The following KCNA1 variants were observed in gnomAD, a reference collection of about 807,000 sequenced individuals.
KCNA1 encodes potassium voltage-gated channel subfamily A member 1.
Under a neutral mutation model 28.8 loss-of-function variants are expected in KCNA1, and 19 were observed. The observed-to-expected ratio is 0.66, with a 90% CI of 0.46 to 0.97. The LOEUF (loss-of-function observed/expected upper bound fraction) is 0.97. KCNA1 is among the 50% of genes least tolerant of loss of function. The pLI is 0.00. For missense variants in KCNA1, 419 were observed against 659.7 expected (o/e 0.64, Z 4.00); for synonymous variants, 311 against 268.8 (o/e 1.16, Z -1.53).
In KCNA1 at chr12:4,911,692, C is replaced by T; in HGVS notation, c.314C>T (p.Pro105Leu). The change falls in exon 2 of 2, where the codon CCG becomes CTG. Residue 105 changes from proline to leucine, a missense_variant. Coordinates refer to ENST00000382545, the MANE Select transcript of KCNA1 (RefSeq NM_000217.3). This position sits in a 1 kb window ranked among gnomAD's most constrained non-coding sequence, Gnocchi z 6.6. Reference sequence around the variant, plus strand: ...CAGTCCGGCGGCCGCCTGCGGAGGCCGGTCAACGTGCCCCTGGACATGTTC... The same window carrying T: ...CAGTCCGGCGGCCGCCTGCGGAGGCTGGTCAACGTGCCCCTGGACATGTTC... ...YYQSGGRLRR[P>L]VNVPLDMFSE... 6.2e-7 allele frequency: 1 copy of T among 1,614,174 alleles called. No homozygotes were observed.
rs1947355084 is a variant in KCNA1 at position 4,912,006 on chromosome 12, G to A, written c.628G>A (p.Val210Ile). ...CGTCCACCGCATCGACAACACCACG[G>A]TCATCTACAATTCCAACATCTTCAC... ...GTVHRIDNTT[V>I]IYNSNIFTDP... The change falls in exon 2 of 2, where the codon GTC (valine) becomes ATC (isoleucine). Residue 210 changes from valine (V) to isoleucine (I), a missense_variant. Around this residue, in one of 4 missense-constraint regions of KCNA1, gnomAD observed 217 missense variants for 329.6 expected, o/e 0.66. Transcript: ENST00000382545. The A allele has an allele frequency of 6.2e-7, 1 of 1,614,132 alleles. No homozygotes were observed. The highest frequency in any genetic ancestry group is 8.5e-7 in the Non-Finnish European group (1 of 1,180,034).
rs1373034087 is a variant in KCNA1, at chr12:4,916,142, A to G, written c.*3276A>G. On this transcript the variant is annotated 3_prime_UTR_variant, in exon 2 of 2. Coordinates refer to ENST00000382545, the MANE Select transcript of KCNA1 (RefSeq NM_000217.3). ...GTAGACCTGAAGGTGCACTTAACAA[A>G]ACTGCCTATTAAGGGATGACTATTT... is the stretch of plus-strand genomic sequence containing the variant. 3 of 167,122 alleles carry G rather than the reference A, an allele frequency of 1.8e-5. No homozygotes were observed. The highest frequency in any genetic ancestry group is 7.2e-5 in the African/African-American group (3 of 41,466). 10.4% of individuals were successfully genotyped at this position (167,122 alleles called of 1,614,324 possible). A position where few individuals can be genotyped will look rare whatever the true frequency, so the allele number is the denominator to read the frequency against.
In KCNA1 at chr12:4,916,806, A is replaced by AT. The variant is rs764194860; in HGVS notation, c.*3947dup. 24 of 166,990 alleles carry AT rather than the reference A, an allele frequency of 1.4e-4. No homozygotes were observed. The highest frequency in any genetic ancestry group is 3.9e-4 in the Admixed American group (6 of 15,278). 10.3% of individuals were successfully genotyped at this position (166,990 alleles called of 1,614,324 possible). A position where few individuals can be genotyped will look rare whatever the true frequency, so the allele number is the denominator to read the frequency against. ...CATGTAAATGGTAAATGAGGAATAC[A>AT]TTTTTTTAAAGTAGAAATTTGGTTT... On this transcript the variant is annotated 3_prime_UTR_variant, in exon 2 of 2. Coordinates refer to ENST00000382545, the MANE Select transcript of KCNA1 (RefSeq NM_000217.3).
In KCNA1 at chr12:4,912,434, T is replaced by C; in HGVS notation, c.1056T>C (p.Ala352=). Residue 352 remains alanine (A), a synonymous_variant, in exon 2 of 2, where the codon GCT becomes GCC. Transcript: ENST00000382545. ...TGTACTTTGCCGAGGCGGAAGAAGC[T>C]GAGTCGCACTTCTCCAGTATCCCCG... is the stretch of plus-strand genomic sequence containing the variant. ...SAVYFAEAEE[A]ESHFSSIPDA... 1.2e-6 allele frequency: 2 copies of C among 1,613,938 alleles called. No homozygotes were observed. The highest frequency in any genetic ancestry group is 4.5e-5 in the East Asian group (2 of 44,840).
In KCNA1 at chr12:4,917,706, T is replaced by G. The variant is rs910817290; in HGVS notation, c.*4840T>G. The G allele has an allele frequency of 4.2e-5, 7 of 167,006 alleles. No homozygotes were observed. Among genetic ancestry groups the G allele is most frequent in the Non-Finnish European group, 1.0e-4 (7 of 68,118 alleles). The allele number at this position is 167,006 out of a possible 1,614,324, so 10.3% of individuals were successfully genotyped here. A position where few individuals can be genotyped will look rare whatever the true frequency, so the allele number is the denominator to read the frequency against. Reference sequence around the variant, plus strand: ...AACTTCAAAGAGTATAGAAAACTTTTGTACCACAATCAAAGAAGAAGAAAT... The same window carrying G: ...AACTTCAAAGAGTATAGAAAACTTTGGTACCACAATCAAAGAAGAAGAAAT... On this transcript the variant is annotated 3_prime_UTR_variant, in exon 2 of 2. Transcript: ENST00000382545.
At position 4,910,325 on chromosome 12, in the gene KCNA1, C is replaced by G. The variant is rs1005432379; in HGVS notation, c.-687C>G. On this transcript the variant is annotated 5_prime_UTR_variant, in exon 1 of 2. Transcript: ENST00000382545. The surrounding 1 kb of genome is among the most constrained non-coding windows in gnomAD (Gnocchi z 4.9). ...TGAGAGGGGCGTCGGACGAGTGGAC[C>G]AGGGCGGCGAGTTTGCCCGGCGCGT... The G allele has an allele frequency of 3.3e-5, 5 of 152,272 alleles. No individual in the cohort carries two copies. The highest frequency in any genetic ancestry group is 1.2e-4 in the African/African-American group (5 of 41,440). The allele number at this position is 152,272 out of a possible 1,614,324, so 9.4% of individuals were successfully genotyped here.
At position 4,911,184 on chromosome 12, in the gene KCNA1, AG is replaced by A; in HGVS notation, c.-192del. ...GGGGATTCCAAACTGAGTGAAAGGC[AG>A]GGTGGAGGGGAAGGCAGCGAGAGGC... On this transcript the variant is annotated 5_prime_UTR_variant, in exon 2 of 2. Coordinates refer to ENST00000382545, the MANE Select transcript of KCNA1 (RefSeq NM_000217.3). This position sits in a 1 kb window ranked among gnomAD's most constrained non-coding sequence, Gnocchi z 6.6. The A allele has an allele frequency of 1.7e-6, 1 of 604,514 alleles. No individual in the cohort carries two copies. The highest frequency in any genetic ancestry group is 2.0e-5 in the South Asian group (1 of 50,738). The allele number at this position is 604,514 out of a possible 1,614,324, so 37.4% of individuals were successfully genotyped here.
At position 4,910,452 on chromosome 12, in the gene KCNA1, T is replaced by G. The variant is rs1161908251; in HGVS notation, c.-560T>G. 1 of 144,036 alleles carries G rather than the reference T, an allele frequency of 6.9e-6. No individual in the cohort carries two copies. Among genetic ancestry groups the G allele is most frequent in the African/African-American group, 2.5e-5 (1 of 39,626 alleles). The allele number at this position is 144,036 out of a possible 1,614,324, so 8.9% of individuals were successfully genotyped here. On this transcript the variant is annotated 5_prime_UTR_variant, in exon 1 of 2. Coordinates refer to ENST00000382545, the MANE Select transcript of KCNA1 (RefSeq NM_000217.3). The surrounding 1 kb of genome is among the most constrained non-coding windows in gnomAD (Gnocchi z 4.9). ...CTCTCCGCTGACTCAGCACCGCCCC[T>G]GCGCCAAGCCAGCCGGCCAGGTAGG...
Position 4,911,934 on chromosome 12 carries a change from C to T in KCNA1, c.556C>T (p.Leu186=). Residue 186 remains leucine, a synonymous_variant, in exon 2 of 2, where the codon CTG becomes TTG. Coordinates refer to ENST00000382545, the MANE Select transcript of KCNA1 (RefSeq NM_000217.3). This position sits in a 1 kb window ranked among gnomAD's most constrained non-coding sequence, Gnocchi z 6.6. ...VILISIVIFC[L]ETLPELKDDK... ...CCTCATCTCCATCGTCATCTTTTGC[C>T]TGGAGACGCTCCCCGAGCTGAAGGA... 1 of 1,614,090 alleles carries T rather than the reference C, an allele frequency of 6.2e-7. No homozygotes were observed. The highest frequency in any genetic ancestry group is 8.5e-7 in the Non-Finnish European group (1 of 1,179,996).
At position 4,916,514 on chromosome 12, in the gene KCNA1, A is replaced by T. The variant is rs1947387343; in HGVS notation, c.*3648A>T. The T allele has an allele frequency of 6.0e-6, 1 of 167,094 alleles. No individual in the cohort carries two copies. Among genetic ancestry groups the T allele is most frequent in the Non-Finnish European group, 1.5e-5 (1 of 68,120 alleles). The allele number at this position is 167,094 out of a possible 1,614,324, so 10.4% of individuals were successfully genotyped here. Reference sequence around the variant, plus strand: ...AGCCAGGAAAACTTTCTGTTTTTGCATCTCCCTTTTCCCATTTGTGCCCAA... The same window carrying T: ...AGCCAGGAAAACTTTCTGTTTTTGCTTCTCCCTTTTCCCATTTGTGCCCAA... On this transcript the variant is annotated 3_prime_UTR_variant, in exon 2 of 2. Coordinates refer to ENST00000382545, the MANE Select transcript of KCNA1 (RefSeq NM_000217.3).
chr12:4,912,016 A>G lies in KCNA1; in HGVS notation c.638A>G (p.Asn213Ser). 6.2e-7 allele frequency: 1 copy of G among 1,614,132 alleles called. No homozygotes were observed. Among genetic ancestry groups the G allele is most frequent in the Non-Finnish European group, 8.5e-7 (1 of 1,180,026 alleles). Reference protein sequence around the residue: ...HRIDNTTVIYNSNIFTDPFFI... With the variant: ...HRIDNTTVIYSSNIFTDPFFI... ...ATCGACAACACCACGGTCATCTACA[A>G]TTCCAACATCTTCACAGACCCCTTC... Residue 213 changes from asparagine (N) to serine (S), a missense_variant, in exon 2 of 2, where the codon AAT (asparagine) becomes AGT (serine). Coordinates refer to ENST00000382545, the MANE Select transcript of KCNA1 (RefSeq NM_000217.3).
Position 4,911,936 on chromosome 12 carries a change from G to A in KCNA1, c.558G>A (p.Leu186=), listed in dbSNP as rs1947354530. The A allele has an allele frequency of 6.2e-7, 1 of 1,613,886 alleles. No individual in the cohort carries two copies. The highest frequency in any genetic ancestry group is 1.3e-5 in the African/African-American group (1 of 74,870). ...TCATCTCCATCGTCATCTTTTGCCTGGAGACGCTCCCCGAGCTGAAGGATG... is the reference window on the plus strand; with the variant it reads ...TCATCTCCATCGTCATCTTTTGCCTAGAGACGCTCCCCGAGCTGAAGGATG... ...VILISIVIFC[L]ETLPELKDDK... Residue 186 remains leucine, a synonymous_variant, in exon 2 of 2, where the codon CTG becomes CTA. Coordinates refer to ENST00000382545, the MANE Select transcript of KCNA1 (RefSeq NM_000217.3). This position sits in a 1 kb window ranked among gnomAD's most constrained non-coding sequence, Gnocchi z 6.6.
rs1294476433 is a variant in KCNA1, at chr12:4,911,855, C to T, written c.477C>T (p.Tyr159=). ...YQRQVWLLFE[Y]PESSGPARVI... is the part of the protein sequence containing the mutation. ...GCCAGGTGTGGCTGCTCTTCGAGTA[C>T]CCCGAGAGCTCGGGGCCCGCCAGGG... The change falls in exon 2 of 2, where the codon TAC becomes TAT. Residue 159 remains tyrosine, a synonymous_variant. Coordinates refer to ENST00000382545, the MANE Select transcript of KCNA1 (RefSeq NM_000217.3). The surrounding 1 kb of genome is among the most constrained non-coding windows in gnomAD (Gnocchi z 6.6). 1 of 1,613,944 alleles carries T rather than the reference C, an allele frequency of 6.2e-7. No homozygotes were observed. The highest frequency in any genetic ancestry group is 1.7e-5 in the Admixed American group (1 of 60,028).
chr12:4,916,109 A>C lies in KCNA1; in HGVS notation c.*3243A>C, dbSNP rs1565434777. The C allele has an allele frequency of 6.0e-6, 1 of 167,130 alleles. No individual in the cohort carries two copies. Among genetic ancestry groups the C allele is most frequent in the African/African-American group, 2.4e-5 (1 of 41,456 alleles). The allele number at this position is 167,130 out of a possible 1,614,324, so 10.4% of individuals were successfully genotyped here. A position where few individuals can be genotyped will look rare whatever the true frequency, so the allele number is the denominator to read the frequency against. On this transcript the variant is annotated 3_prime_UTR_variant, in exon 2 of 2. Coordinates refer to ENST00000382545, the MANE Select transcript of KCNA1 (RefSeq NM_000217.3). The stretch of plus-strand genomic sequence containing the variant: ...TACCCTCGCACTGTAATGTGTTGAA[A>C]TGTCTTTGTAGACCTGAAGGTGCAC...
At position 4,912,173 on chromosome 12, in the gene KCNA1, T is replaced by C; in HGVS notation, c.795T>C (p.Tyr265=). 1.9e-6 allele frequency: 3 copies of C among 1,613,528 alleles called. No homozygotes were observed. Among genetic ancestry groups the C allele is most frequent in the East Asian group, 2.2e-5 (1 of 44,818 alleles). ...TAGACATTGTGGCCATCATTCCTTA[T>C]TTCATCACGCTGGGCACCGAGATAG... ...NFIDIVAIIP[Y]FITLGTEIAE... The change falls in exon 2 of 2, where the codon TAT becomes TAC. Residue 265 remains tyrosine, a synonymous_variant. Transcript: ENST00000382545.
Position 4,911,160 on chromosome 12 carries a change from G to A in KCNA1, c.-219G>A. The A allele has an allele frequency of 3.3e-6, 2 of 599,354 alleles. No individual in the cohort carries two copies. Among genetic ancestry groups the A allele is most frequent in the South Asian group, 4.0e-5 (2 of 50,426 alleles). The allele number at this position is 599,354 out of a possible 1,614,324, so 37.1% of individuals were successfully genotyped here. A position where few individuals can be genotyped will look rare whatever the true frequency, so the allele number is the denominator to read the frequency against. ...AGCTGCACCCGGCCCGCAGGCGAGG[G>A]GGATTCCAAACTGAGTGAAAGGCAG... is the stretch of plus-strand genomic sequence containing the variant. On this transcript the variant is annotated 5_prime_UTR_variant, in exon 2 of 2. Coordinates refer to ENST00000382545, the MANE Select transcript of KCNA1 (RefSeq NM_000217.3). The surrounding 1 kb of genome is among the most constrained non-coding windows in gnomAD (Gnocchi z 6.6).
chr12:4,912,311 C>G lies in KCNA1; in HGVS notation c.933C>G (p.Gly311=), dbSNP rs138351123. 4 of 1,613,856 alleles carry G rather than the reference C, an allele frequency of 2.5e-6. No individual in the cohort carries two copies. The East Asian group carries it at 8.9e-5, about 36-fold the overall frequency. The change falls in exon 2 of 2, where the codon GGC becomes GGG. Residue 311 remains glycine (G), a synonymous_variant. Transcript: ENST00000382545. ...RIFKLSRHSK[G]LQILGQTLKA... is the part of the protein sequence containing the mutation. Reference sequence around the variant, plus strand: ...TCAAGCTCTCCCGCCACTCTAAGGGCCTCCAGATCCTGGGCCAGACCCTCA... The same window carrying G: ...TCAAGCTCTCCCGCCACTCTAAGGGGCTCCAGATCCTGGGCCAGACCCTCA...
Position 4,911,657 on chromosome 12 carries a change from C to A in KCNA1, c.279C>A (p.Leu93=). ...ACCGGCCCAGCTTCGACGCCATCCT[C>A]TACTACTACCAGTCCGGCGGCCGCC... The part of the protein sequence containing the change: ...DRNRPSFDAI[L]YYYQSGGRLR... The change falls in exon 2 of 2, where the codon CTC becomes CTA. Residue 93 remains leucine (L), a synonymous_variant. Transcript: ENST00000382545. The surrounding 1 kb of genome is among the most constrained non-coding windows in gnomAD (Gnocchi z 6.6). 1 of 1,614,212 alleles carries A rather than the reference C, an allele frequency of 6.2e-7. No individual in the cohort carries two copies. The highest frequency in any genetic ancestry group is 8.5e-7 in the Non-Finnish European group (1 of 1,180,054).
chr12:4,918,064 A>C lies in KCNA1; in HGVS notation c.*5198A>C, dbSNP rs1947396500. On this transcript the variant is annotated 3_prime_UTR_variant, in exon 2 of 2. Coordinates refer to ENST00000382545, the MANE Select transcript of KCNA1 (RefSeq NM_000217.3). ...CCACCTTGAGTTAAGGACGTGTCTC[A>C]TCTTCACCTACTGCGCATTCTCCCT... 6.0e-6 allele frequency: 1 copy of C among 167,102 alleles called. No individual in the cohort carries two copies. The highest frequency in any genetic ancestry group is 1.9e-4 in the East Asian group (1 of 5,212). The allele number at this position is 167,102 out of a possible 1,614,324, so 10.4% of individuals were successfully genotyped here. A position where few individuals can be genotyped will look rare whatever the true frequency, so the allele number is the denominator to read the frequency against.
Sources: allele counts gnomAD v4.1 joint callset, GRCh38; gene constraint gnomAD v4.1.1; regional missense constraint gnomAD v4.1.1; non-coding constraint Gnocchi (gnomAD v3.1); transcripts MANE v1.5; gene names NCBI Gene and HGNC (gene_info 2026-07-23, HGNC 2026-07-21).